NPSR1: variants seen among roughly 807,000 people sequenced by gnomAD.
The protein encoded by NPSR1 is neuropeptide S receptor.
A neutral mutation model predicts 46.9 loss-of-function variants in NPSR1; 48 were observed. The ratio of observed to expected loss-of-function variants is 1.02; its 90% CI spans 0.81 to 1.30. NPSR1 has a LOEUF of 1.30. Ranked by LOEUF, NPSR1 falls within the 50% of genes most tolerant of loss-of-function variation. The probability of loss-of-function intolerance (pLI) is 0.00; values close to 1 mark genes in which losing one functional copy is unlikely to be tolerated. For synonymous variants in NPSR1, 176 were observed against 168.1 expected (o/e 1.05, Z -0.36); for missense variants, 450 against 449.5 (o/e 1.00, Z -0.01).
chr7:34,684,761 CAAAA>C, intron 2 of NPSR1, 77 bp downstream of exon 2: 2 of 946,504 alleles, frequency 2.1e-6, no homozygotes, highest in Non-Finnish European at 2.9e-6. Flanking sequence ...TGAATTTTAT[CAAAA>C]AAAAAAAAAT....
chr7:34,761,670 A>T lies in NPSR1; in HGVS notation c.281-16792A>T, dbSNP rs1583968152. ...TGCCTCTTGGATAAGTGAAAATGGAACTCTCCTCTCCTTCTCTTGGATTTC... is the reference window on the plus strand; with the variant it reads ...TGCCTCTTGGATAAGTGAAAATGGATCTCTCCTCTCCTTCTCTTGGATTTC... On this transcript the variant is annotated intron_variant, in intron 2 of 8. Transcript: ENST00000360581. 2.0e-5 allele frequency among the ~76,000 whole-genome samples: 3 copies of T among 149,542 alleles called. No individual in the cohort carries two copies. In the South Asian group the frequency reaches 6.3e-4, roughly 31 times the overall value.
chr7:34,727,422 T>A (rs1784211647), intron 2 of NPSR1, among the ~76,000 whole-genome samples: 1 of 152,176 alleles, frequency 6.6e-6, no homozygotes, highest in Admixed American at 6.5e-5. Context: ...ATTGACCAAG[T>A]TTCCCTCAAT....
At chr7:34,858,889 A>G (rs1414279393) in intron 8 of NPSR1, among the ~76,000 whole-genome samples, 1 of 151,702 alleles carries the variant, frequency 6.6e-6, no homozygotes, top group Non-Finnish European at 1.5e-5. Context: ...TCCAAACCAT[A>G]TCAGTGACAA....
rs1784382893 is a variant in NPSR1 at position 34,730,762 on chromosome 7, A to G, written c.280+46078A>G. 3.3e-5 allele frequency among the ~76,000 whole-genome samples: 5 copies of G among 152,244 alleles called. No homozygotes were observed. The South Asian group carries it at 1.0e-3, about 32-fold the overall frequency. On this transcript the variant is annotated intron_variant, in intron 2 of 8. Coordinates refer to ENST00000360581, the MANE Select transcript of NPSR1 (RefSeq NM_207172.2). ...CTATCACTCTGTGACATTATAATCT[A>G]TATCTATTTGGTTGTGTGTCTGTTA...
At chr7:34,766,625 T>G (rs1488505477) in intron 2 of NPSR1, among the ~76,000 whole-genome samples, 3 of 151,828 alleles carry the variant, frequency 2.0e-5, no homozygotes, top group Admixed American at 2.0e-4. Flanking sequence ...CAGGCTGGAG[T>G]GCAGTGGCGC....
chr7:34,792,095 C>T (rs1392130571), intron 3 of NPSR1, among the ~76,000 whole-genome samples: 1 of 152,008 alleles, frequency 6.6e-6, no homozygotes, highest in Non-Finnish European at 1.5e-5. Context: ...AAATGTAAGA[C>T]CTTAAACTAT....
intron 1 of NPSR1, chr7:34,660,062 G>A (rs1165476242): frequency 2.2e-6 from 1 of 455,514 alleles, no homozygotes; most frequent in Non-Finnish European, 4.4e-6. Flanking sequence ...GGGATATTTG[G>A]AATATGTGAA....
At chr7:34,709,323 A>G (rs1794269942) in intron 2 of NPSR1, among the ~76,000 whole-genome samples, 1 of 152,180 alleles carries the variant, frequency 6.6e-6, no homozygotes, top group South Asian at 2.1e-4. Context: ...AACTCTTAAC[A>G]TTAATAATTA....
At chr7:34,736,625 G>A (rs1016644411) in intron 2 of NPSR1, among the ~76,000 whole-genome samples, 10 of 151,962 alleles carry the variant, frequency 6.6e-5, no homozygotes, top group South Asian at 2.1e-4. Context: ...TTTAGAGACA[G>A]CATCTCACTC....
chr7:34,825,222 C>A (rs1789766015), intron 4 of NPSR1, among the ~76,000 whole-genome samples: 1 of 152,240 alleles, frequency 6.6e-6, no homozygotes, highest in Admixed American at 6.5e-5. Flanking sequence ...GATGCTCATG[C>A]TATCAGTCTA....
downstream of NPSR1, among the ~76,000 whole-genome samples, chr7:34,851,493 A>C (rs1265466640): frequency 6.6e-6 from 1 of 152,108 alleles, no homozygotes; most frequent in Non-Finnish European, 1.5e-5. Flanking sequence ...CTGTCCAATC[A>C]GCTAAACTTG....
intron 1 of NPSR1, among the ~76,000 whole-genome samples, chr7:34,679,240 T>C (rs895113360): frequency 6.6e-6 from 1 of 152,164 alleles, no homozygotes; most frequent in African/African-American, 2.4e-5. Context: ...TACATATCAG[T>C]TACACAATAA....
intron 1 of NPSR1, among the ~76,000 whole-genome samples, chr7:34,676,580 A>G (rs1182760772): frequency 5.3e-5 from 8 of 152,122 alleles, no homozygotes; most frequent in Non-Finnish European, 8.8e-5. Context: ...TAAAGGAGCA[A>G]GCAGCTGAGT....
intron 6 of NPSR1, among the ~76,000 whole-genome samples, chr7:34,835,936 C>T (rs1024550157): frequency 1.3e-5 from 2 of 152,150 alleles, no homozygotes; most frequent in Non-Finnish European, 2.9e-5. Context: ...TTTATTATTT[C>T]GGAAAAGCTC....
chr7:34,792,673 A>ATG (rs1366321491), intron 3 of NPSR1, among the ~76,000 whole-genome samples: 1 of 121,196 alleles, frequency 8.3e-6, no homozygotes, highest in African/African-American at 3.1e-5. Context: ...ATTTATATAT[A>ATG]TGTATATATA....
chr7:34,781,948 A>G (rs1787248980), intron 3 of NPSR1, among the ~76,000 whole-genome samples: 1 of 152,200 alleles, frequency 6.6e-6, no homozygotes, highest in Non-Finnish European at 1.5e-5. Context: ...CAGAGCCATT[A>G]TAATTCTGTG....
chr7:34,785,184 C>T (rs1401194762), intron 3 of NPSR1, among the ~76,000 whole-genome samples: 7 of 151,744 alleles, frequency 4.6e-5, no homozygotes, highest in Non-Finnish European at 7.4e-5. Flanking sequence ...ATATACACCA[C>T]GGAATACTAT....
In NPSR1 at chr7:34,703,638, T is replaced by C. The variant is rs141638453; in HGVS notation, c.280+18954T>C. On this transcript the variant is annotated intron_variant, in intron 2 of 8. Coordinates refer to ENST00000360581, the MANE Select transcript of NPSR1 (RefSeq NM_207172.2). ...AAATCTTAACTAATTATTCTCTATA[T>C]ATTCTATTAGGAATCTTGGCTGTAG... Among the ~76,000 whole-genome samples, 974 of 152,306 alleles carry C rather than the reference T, an allele frequency of 6.4e-3. 16 individuals are homozygous for C. Among genetic ancestry groups the C allele is most frequent in the Middle Eastern group, 0.027 (8 of 294 alleles).
Position 34,826,407 on chromosome 7 carries a change from C to T in NPSR1, c.479-994C>T, listed in dbSNP as rs939565404. On this transcript the variant is annotated intron_variant, in intron 4 of 8. Transcript: ENST00000360581. ...TCTTGTAGCTCGACCACAGTCAACACACTGTCGAACAACACCACCTGACTC... is the reference window on the plus strand; with the variant it reads ...TCTTGTAGCTCGACCACAGTCAACATACTGTCGAACAACACCACCTGACTC... Among the ~76,000 whole-genome samples, 35 of 152,166 alleles carry T rather than the reference C, an allele frequency of 2.3e-4. 1 individual carries two copies. Among genetic ancestry groups the T allele is most frequent in the Admixed American group, 2.3e-3 (35 of 15,264 alleles).
Sources: gnomAD v4.1 joint callset for allele counts (sites outside exome capture counted in the v4.1 genomes callset) on GRCh38, gnomAD v4.1.1 for gene constraint, MANE v1.5 for transcripts, NCBI Gene and HGNC (gene_info 2026-07-23, HGNC 2026-07-21) for gene names.